CYB5R2: variants seen among roughly 807,000 people sequenced by gnomAD.
CYB5R2 encodes cytochrome b5 reductase 2.
CYB5R2 carries 35 observed loss-of-function variants against 29.8 expected under a neutral mutation model. The observed-to-expected ratio is 1.17, with a 90% CI of 0.90 to 1.56. The LOEUF is 1.56. CYB5R2 is among the 40% of genes most tolerant of loss of function. The pLI is 0.00. For synonymous variants in CYB5R2, 169 were observed against 130.6 expected, an observed-to-expected ratio of 1.29 and a Z score of -2.01; for missense variants, 419 against 346.7, an observed-to-expected ratio of 1.21 and a Z score of -1.66.
rs751822572 is a variant in CYB5R2, at chr11:7,665,376, A to T, written c.829T>A (p.Ter277LysextTer18). 1.8e-5 allele frequency: 27 copies of T among 1,542,070 alleles called. No individual in the cohort carries two copies. The highest frequency in any genetic ancestry group is 2.4e-5 in the Non-Finnish European group (27 of 1,145,640). ...AAATTGCTGAGCACGTGGAGGTGTT[A>T]GTAGGTGAAAATCATGTCCTGGGTA... ...GYTQDMIFTY[*>K] Residue 277 changes from the stop codon to lysine, a stop_lost, in exon 9 of 9, where the codon TAA becomes AAA. Transcript: ENST00000299498.
chr11:7,665,164 TCCAGCCTCCAAGCAAGGAGGCC>T lies in CYB5R2; in HGVS notation c.*188_*209del. The T allele has an allele frequency of 2.2e-6, 1 of 455,496 alleles. No individual in the cohort carries two copies. The highest frequency in any genetic ancestry group is 4.3e-5 in the South Asian group (1 of 23,420). 28.2% of individuals were successfully genotyped at this position (455,496 alleles called of 1,614,324 possible). On this transcript the variant is annotated 3_prime_UTR_variant, in exon 9 of 9. Transcript: ENST00000299498. ...AGAAAGATACTGAAATGGAGCTCTT[TCCAGCCTCCAAGCAAGGAGGCC>T]CCAGCAGCCAGTCTCCAGCCCCTTG...
chr11:7,665,188 C>T lies in CYB5R2; in HGVS notation c.*186G>A. 1 of 489,948 alleles carries T rather than the reference C, an allele frequency of 2.0e-6. No homozygotes were observed. The highest frequency in any genetic ancestry group is 3.6e-6 in the Non-Finnish European group (1 of 281,352). 30.4% of individuals were successfully genotyped at this position (489,948 alleles called of 1,614,324 possible). Reference sequence around the variant, plus strand: ...TTCCAGCCTCCAAGCAAGGAGGCCCCAGCAGCCAGTCTCCAGCCCCTTGAG... The same window carrying T: ...TTCCAGCCTCCAAGCAAGGAGGCCCTAGCAGCCAGTCTCCAGCCCCTTGAG... On this transcript the variant is annotated 3_prime_UTR_variant, in exon 9 of 9. Transcript: ENST00000299498.
chr11:7,665,216 C>G lies in CYB5R2; in HGVS notation c.*158G>C. On this transcript the variant is annotated 3_prime_UTR_variant, in exon 9 of 9. Transcript: ENST00000299498. ...CAGCCAGTCTCCAGCCCCTTGAGCC[C>G]TTTTTGTTAGGCCCACACCCAAAAG... is the stretch of plus-strand genomic sequence containing the variant. 1.6e-6 allele frequency: 1 copy of G among 606,420 alleles called. No homozygotes were observed. The highest frequency in any genetic ancestry group is 2.7e-6 in the Non-Finnish European group (1 of 370,254). 37.6% of individuals were successfully genotyped at this position (606,420 alleles called of 1,614,324 possible).
At chr11:7,673,670 G>GA (rs895666991), upstream of CYB5R2, 75 of 985,350 alleles carry the variant, frequency 7.6e-5, no homozygotes, top group Non-Finnish European at 7.7e-5. Flanking sequence ...CGTCCCGACG[G>GA]AGATATTTCT....
chr11:7,666,723 C>G, intron 7 of CYB5R2, 173 bp from the exon 8 acceptor site: 2 of 523,198 alleles, frequency 3.8e-6, no homozygotes, highest in Non-Finnish European at 6.9e-6. Flanking sequence ...AGCTCAAACC[C>G]TTTGTTTTGT....
chr11:7,667,868 C>A lies in CYB5R2; in HGVS notation c.473-55G>T, dbSNP rs1049805937. The A allele has an allele frequency of 4.2e-6, 6 of 1,412,486 alleles. No individual in the cohort carries two copies. In the Admixed American group the frequency reaches 6.7e-5, roughly 16 times the overall value. The allele number at this position is 1,412,486 out of a possible 1,614,324, so 87.5% of individuals were successfully genotyped here. ...TCTCCCTGTCTCTGAAGCCCACAGT[C>A]CCTGACCTGCAGCAAGCTTCATACC... On this transcript the variant is annotated intron_variant, in intron 6 of 8. Coordinates refer to ENST00000299498, the MANE Select transcript of CYB5R2 (RefSeq NM_016229.5).
In CYB5R2 at chr11:7,666,482, G is replaced by A. The variant is rs770399668; in HGVS notation, c.627C>T (p.Asn209=). 2 of 1,613,240 alleles carry A rather than the reference G, an allele frequency of 1.2e-6. No homozygotes were observed. Among genetic ancestry groups the A allele is most frequent in the South Asian group, 1.1e-5 (1 of 91,052 alleles). Residue 209 remains asparagine, a synonymous_variant, in exon 8 of 9, where the codon AAC becomes AAT. Coordinates refer to ENST00000299498, the MANE Select transcript of CYB5R2 (RefSeq NM_016229.5). ...EIARTHPDQF[N]LWYTLDRPPI... is the part of the protein sequence containing the mutation. ...GAGGCCTGTCCAGGGTGTACCACAG[G>A]TTGAACTGGTCTGGGTGAGTCCTGG...
intron 1 of CYB5R2, chr11:7,673,093 A>G (rs1313201663): frequency 5.9e-6 from 3 of 506,244 alleles, no homozygotes; most frequent in Admixed American, 3.2e-5. Context: ...GGTCAGCTGC[A>G]GGTCACACAG....
upstream of CYB5R2, chr11:7,673,833 G>A: frequency 5.1e-6 from 5 of 987,040 alleles, no homozygotes; most frequent in Non-Finnish European, 6.0e-6. Context: ...ACGGGGAACC[G>A]GCCGAGACCC....
Position 7,666,450 on chromosome 11 carries a change from C to G in CYB5R2, c.658+1G>C. 6.2e-7 allele frequency: 1 copy of G among 1,603,354 alleles called. No homozygotes were observed. The highest frequency in any genetic ancestry group is 8.5e-7 in the Non-Finnish European group (1 of 1,170,814). On this transcript the variant is annotated splice_donor_variant, in intron 8 of 8. Transcript: ENST00000299498. LOFTEE classifies it high-confidence loss of function. The stretch of plus-strand genomic sequence containing the variant: ...GTGAGTGAGGGCAATGGATGTCGTA[C>G]CAATGGGAGGCCTGTCCAGGGTGTA...
chr11:7,674,002 A>G, upstream of CYB5R2: 1 of 1,147,714 alleles, frequency 8.7e-7, no homozygotes, highest in Non-Finnish European at 1.1e-6. Flanking sequence ...CTCCATCATG[A>G]GGCTGGCGGG....
chr11:7,673,672 G>A (rs547693547), upstream of CYB5R2: 89 of 985,420 alleles, frequency 9.0e-5, no homozygotes, highest in Non-Finnish European at 1.0e-4. Flanking sequence ...TCCCGACGGA[G>A]ATATTTCTTC....
At chr11:7,666,623 AGCATACTCC>A in intron 7 of CYB5R2, 73 bp from the exon 8 acceptor site, 1 of 1,116,526 alleles carries the variant, frequency 9.0e-7, no homozygotes, top group Non-Finnish European at 1.3e-6. Context: ...TACACCGGTC[AGCATACTCC>A]TGGCCAAAGC....
intron 5 of CYB5R2, chr11:7,668,793 C>T (rs577561574): frequency 5.0e-6 from 3 of 599,978 alleles, no homozygotes; most frequent in Non-Finnish European, 8.9e-6. Context: ...GCCTTCTGTT[C>T]TGAGGAAAAA....
upstream of CYB5R2, chr11:7,673,785 G>A: frequency 1.0e-6 from 1 of 987,388 alleles, no homozygotes; most frequent in South Asian, 4.7e-5. Context: ...CCGCGGGCCC[G>A]CAGACTCGTG....
upstream of CYB5R2, chr11:7,673,812 C>T (rs1052012832): frequency 1.0e-5 from 10 of 988,126 alleles, no homozygotes; most frequent in Non-Finnish European, 1.2e-6. Flanking sequence ...CCCCGCAGCT[C>T]CGCCTGGCCG....
intron 3 of CYB5R2, chr11:7,670,547 AC>A (rs1249986367): frequency 1.3e-5 from 2 of 152,176 alleles, no homozygotes; most frequent in African/African-American, 2.4e-5. Context: ...GGATTTGGGT[AC>A]CCATGGAGCA....
chr11:7,666,691 A>G, intron 7 of CYB5R2, 141 bp from the exon 8 acceptor site: 4 of 575,588 alleles, frequency 6.9e-6, no homozygotes, highest in South Asian at 4.4e-5. Flanking sequence ...ACGGCAAACA[A>G]GAGTTCTGCT....
At chr11:7,668,595 G>T (rs1188030392) in intron 5 of CYB5R2, 34 bp from the exon 6 acceptor site, 9 of 1,549,574 alleles carry the variant, frequency 5.8e-6, no homozygotes, top group Non-Finnish European at 8.0e-6. Flanking sequence ...GACCTCTGCA[G>T]TTCTTGCCTA....
Sources: gnomAD v4.1 joint callset for allele counts on GRCh38, gnomAD v4.1.1 for gene constraint, MANE v1.5 for transcripts, NCBI Gene and HGNC (gene_info 2026-07-23, HGNC 2026-07-21) for gene names.